Variants in LINGO1 observed in about 807,000 individuals in gnomAD.
LINGO1 encodes leucine rich repeat and Ig domain containing 1, also known as leucine-rich repeat and immunoglobulin-like domain-containing nogo receptor-interacting protein 1.
LINGO1 carries 11 observed loss-of-function variants against 37.3 expected under a neutral mutation model. That is an observed-to-expected ratio of 0.29 (90% confidence interval 0.19 to 0.49). LINGO1 has a LOEUF of 0.49. Ranked by LOEUF, LINGO1 falls within the 20% of genes least tolerant of loss-of-function variation. The pLI, the probability that LINGO1 is intolerant of heterozygous loss-of-function variation, is 0.99. For missense variants in LINGO1, 585 were observed against 878.2 expected, an observed-to-expected ratio of 0.67 and a Z score of 4.22; for synonymous variants, 387 against 403.0, an observed-to-expected ratio of 0.96 and a Z score of 0.48.
intron 2 of LINGO1, among the ~76,000 whole-genome samples, chr15:77,686,830 C>G (rs1245205130): frequency 6.6e-6 from 1 of 152,196 alleles, no homozygotes; most frequent in Non-Finnish European, 1.5e-5. Context: ...GGGCCTCCCC[C>G]ACCTCAGCTC....
chr15:77,813,053 A>G (rs2141482118), intron 1 of LINGO1, among the ~76,000 whole-genome samples: 1 of 152,338 alleles, frequency 6.6e-6, no homozygotes, highest in South Asian at 2.1e-4. Context: ...CACAAGATGG[A>G]TAAGCCCAGT....
At chr15:77,716,138 T>G (rs536700458) in intron 2 of LINGO1, among the ~76,000 whole-genome samples, 3 of 151,188 alleles carry the variant, frequency 2.0e-5, no homozygotes, top group African/African-American at 4.8e-5. Context: ...TAAACTTCAG[T>G]GACTTCTCCA....
At chr15:77,682,864 G>C (rs921711733) in intron 2 of LINGO1, among the ~76,000 whole-genome samples, 2 of 152,114 alleles carry the variant, frequency 1.3e-5, no homozygotes, top group African/African-American at 4.8e-5. Context: ...CCGAAGCCCT[G>C]AGGAGCAGCC....
At chr15:77,818,044 A>C (rs943980412) in intron 1 of LINGO1, among the ~76,000 whole-genome samples, 4 of 152,138 alleles carry the variant, frequency 2.6e-5, no homozygotes, top group African/African-American at 9.7e-5. Flanking sequence ...ACTTCTAACC[A>C]CACAGGTTCA....
intron 1 of LINGO1, among the ~76,000 whole-genome samples, chr15:77,776,526 A>AGGGAGGGAGGAAGGGAGTAAGGG: frequency 2.8e-5 from 1 of 35,792 alleles, no homozygotes; most frequent in South Asian, 1.1e-3. Flanking sequence ...GGAAGGGAGG[A>AGGGAGGGAGGAAGGGAGTAAGGG]AGGGAGGGAG....
At chr15:77,790,441 G>C (rs756889034), upstream of LINGO1, among the ~76,000 whole-genome samples, 2 of 152,230 alleles carry the variant, frequency 1.3e-5, no homozygotes, top group Non-Finnish European at 2.9e-5. Flanking sequence ...CACCTGTAGC[G>C]ATGGCTGGAA....
rs76199495 is a variant in LINGO1, at chr15:77,807,722, T to C, written c.-457-11669A>G. Among the ~76,000 whole-genome samples the C allele has an allele frequency of 9.9e-3, 1,508 of 152,154 alleles. 22 individuals are homozygous for C. The highest frequency in any genetic ancestry group is 0.035 in the African/African-American group (1,444 of 41,496). ...GTGGATTTTCCCCTTTCCTCCATAATGTAAAGAAAATTGCTTTTGCCAACT... is the reference window on the plus strand; with the variant it reads ...GTGGATTTTCCCCTTTCCTCCATAACGTAAAGAAAATTGCTTTTGCCAACT... On this transcript the variant is annotated intron_variant, in intron 1 of 5. Coordinates refer to the LINGO1 transcript ENST00000562933.
At chr15:77,642,484 G>C (rs1168012081) in intron 3 of LINGO1, among the ~76,000 whole-genome samples, 4 of 152,232 alleles carry the variant, frequency 2.6e-5, no homozygotes, top group African/African-American at 9.6e-5. Context: ...CTCAGGCTGG[G>C]GGTCTGCAGT....
intron 3 of LINGO1, among the ~76,000 whole-genome samples, chr15:77,647,021 G>A (rs1273812256): frequency 6.6e-6 from 1 of 151,928 alleles, no homozygotes; most frequent in Non-Finnish European, 1.5e-5. Flanking sequence ...GAAGTGAGCA[G>A]TGGAACTGGG....
rs1430652090 is a variant in LINGO1, at chr15:77,692,311, C to T, written c.-280-1410G>A. On this transcript the variant is annotated intron_variant, in intron 1 of 3. Coordinates refer to the LINGO1 transcript ENST00000559893. ...AGAGAGGTTAAGTAACCTGGGGCCA[C>T]GTCTACTTCCCAAATATTCTGCAAG... 4.6e-5 allele frequency among the ~76,000 whole-genome samples: 7 copies of T among 152,162 alleles called. No homozygotes were observed. In the East Asian group the frequency reaches 5.8e-4, roughly 13 times the overall value.
chr15:77,734,327 AT>A (rs964715703), intron 2 of LINGO1, among the ~76,000 whole-genome samples: 4 of 150,438 alleles, frequency 2.7e-5, no homozygotes, highest in East Asian at 2.0e-4. Context: ...AGAGCATGGA[AT>A]TTTTTTTTTA....
upstream of LINGO1, among the ~76,000 whole-genome samples, chr15:77,700,013 G>C (rs898568427): frequency 6.6e-6 from 1 of 152,230 alleles, no homozygotes; most frequent in Non-Finnish European, 1.5e-5. Context: ...AGAGGCCAAA[G>C]TAACAGGGAT....
intron 1 of LINGO1, chr15:77,819,384 G>A (rs959301985): frequency 1.3e-5 from 2 of 151,426 alleles, no homozygotes; most frequent in African/African-American, 4.8e-5. Flanking sequence ...TCGGCTCCGC[G>A]ATGGTGGCCG....
intron 1 of LINGO1, among the ~76,000 whole-genome samples, chr15:77,775,289 G>A (rs2076625932): frequency 6.6e-6 from 1 of 152,148 alleles, no homozygotes; most frequent in Non-Finnish European, 1.5e-5. Context: ...CCCTGGACCT[G>A]GCTCTGCCCT....
intron 3 of LINGO1, chr15:77,667,170 C>T (rs2075148533): frequency 6.6e-6 from 1 of 152,490 alleles, no homozygotes; most frequent in Non-Finnish European, 1.5e-5. Flanking sequence ...ATGTGATTGC[C>T]TTGCTGTGGA....
At chr15:77,780,728 T>C (rs975232164) in intron 1 of LINGO1, among the ~76,000 whole-genome samples, 1 of 152,074 alleles carries the variant, frequency 6.6e-6, no homozygotes, top group African/African-American at 2.4e-5. Context: ...TCTGAGAAGA[T>C]TAGTGTCCTT....
At chr15:77,645,583 T>C (rs1488570504) in intron 3 of LINGO1, among the ~76,000 whole-genome samples, 3 of 152,248 alleles carry the variant, frequency 2.0e-5, no homozygotes, top group Non-Finnish European at 4.4e-5. Context: ...AGGGCTACTG[T>C]GTTCATCCTC....
chr15:77,701,798 CCT>C (rs1326101788), intron 2 of LINGO1, among the ~76,000 whole-genome samples: 3 of 152,308 alleles, frequency 2.0e-5, no homozygotes, highest in African/African-American at 7.2e-5. Flanking sequence ...GGCCCCCTCC[CCT>C]GATGCAGATG....
intron 3 of LINGO1, chr15:77,652,029 A>G (rs2074767973): frequency 6.6e-6 from 1 of 152,200 alleles, no homozygotes; most frequent in Non-Finnish European, 1.5e-5. Flanking sequence ...TTCGTGCCAG[A>G]GCCCTGTTCC....
Sources: allele counts gnomAD v4.1 joint callset (sites outside exome capture counted in the v4.1 genomes callset), GRCh38; gene constraint gnomAD v4.1.1; transcripts MANE v1.5; gene names NCBI Gene and HGNC (gene_info 2026-07-23, HGNC 2026-07-21).